NHS: variants seen among roughly 807,000 people sequenced by gnomAD.
The protein encoded by NHS is NHS actin remodeling regulator.
NHS carries 5 observed loss-of-function variants against 72.5 expected under a neutral mutation model. The ratio of observed to expected loss-of-function variants is 0.07; its 90% CI spans 0.04 to 0.14. The LOEUF is 0.14. NHS is among the 10% of genes least tolerant of loss of function. The pLI is 1.00. For synonymous variants in NHS, 464 were observed against 547.7 expected, an observed-to-expected ratio of 0.85 and a Z score of 2.13; for missense variants, 1,072 against 1,355.7, an observed-to-expected ratio of 0.79 and a Z score of 3.29.
At chrX:17,429,271 C>T (rs772368600) in intron 1 of NHS, among the ~76,000 whole-genome samples, 7 of 110,670 alleles carry the variant, frequency 6.3e-5, no homozygotes, top group Admixed American at 1.9e-4. Flanking sequence ...CACGTGCGCG[C>T]GCGCTATACA....
At chrX:17,472,857 G>T (rs1008698817) in intron 1 of NHS, among the ~76,000 whole-genome samples, 3 of 111,985 alleles carry the variant, frequency 2.7e-5, no homozygotes, top group African/African-American at 9.7e-5. Context: ...GATATCAAAG[G>T]CGTGTTTCTT....
intron 1 of NHS, among the ~76,000 whole-genome samples, chrX:17,507,588 T>C (rs1222277656): frequency 8.9e-6 from 1 of 112,236 alleles, no homozygotes. Context: ...TTTTAGAACG[T>C]AAGGCACTGT....
chrX:17,616,087 AT>A lies in NHS; in HGVS notation c.566-71654del, dbSNP rs200437745. ...CCTGGCCCTAATGACAACCTGGTAA[AT>A]GAACAGAGTGAGCGATATCCCTGTA... On this transcript the variant is annotated intron_variant, in intron 1 of 8. Transcript: ENST00000676302. Among the ~76,000 whole-genome samples the A allele has an allele frequency of 4.8e-4, 54 of 112,722 alleles. No individual in the cohort carries two copies. In the East Asian group the frequency reaches 0.015, roughly 32 times the overall value.
intron 1 of NHS, among the ~76,000 whole-genome samples, chrX:17,506,502 G>A (rs770893999): frequency 6.5e-5 from 7 of 108,425 alleles, no homozygotes; most frequent in Non-Finnish European, 1.3e-4. Flanking sequence ...CTGCACTCCA[G>A]CCTGGGCGAT....
intron 1 of NHS, among the ~76,000 whole-genome samples, chrX:17,379,971 G>T (rs920092506): frequency 2.8e-4 from 31 of 111,667 alleles, no homozygotes; most frequent in Non-Finnish European, 7.5e-5. Context: ...CTGGAGATGT[G>T]AATGTGAGAC....
chrX:17,687,698 A>C (rs769872475), intron 1 of NHS, 44 bp from the exon 2 acceptor site: 29 of 1,186,065 alleles, frequency 2.4e-5, no homozygotes, highest in Non-Finnish European at 3.0e-5. Flanking sequence ...CAAAAGCACA[A>C]CTTAAAGCCA....
At chrX:17,408,088 C>T (rs1236035983) in intron 1 of NHS, among the ~76,000 whole-genome samples, 1 of 111,453 alleles carries the variant, frequency 9.0e-6, no homozygotes. Flanking sequence ...CCTCTCACTG[C>T]AACCTCCACC....
intron 1 of NHS, among the ~76,000 whole-genome samples, chrX:17,598,785 A>G (rs965609555): frequency 9.0e-6 from 1 of 111,520 alleles, no homozygotes; most frequent in African/African-American, 3.3e-5. Flanking sequence ...AATGGTATAC[A>G]TATAGAAAAA....
chrX:17,597,430 C>CTTT (rs536355888), intron 1 of NHS, among the ~76,000 whole-genome samples: 6 of 94,701 alleles, frequency 6.3e-5, no homozygotes, highest in South Asian at 4.9e-4. Flanking sequence ...TGGCTATTCT[C>CTTT]TTTTTTTTTT....
chrX:17,563,802 G>A (rs946055505), intron 1 of NHS, among the ~76,000 whole-genome samples: 2 of 108,403 alleles, frequency 1.8e-5, no homozygotes, highest in Non-Finnish European at 3.8e-5. Context: ...GGAGTGGGTG[G>A]ACGGGTGGGG....
At chrX:17,430,106 CCTTCCTTCCTTT>C (rs2064681070) in intron 1 of NHS, among the ~76,000 whole-genome samples, 1 of 102,206 alleles carries the variant, frequency 9.8e-6, no homozygotes, top group Non-Finnish European at 2.0e-5. Flanking sequence ...TTCCTTCCTT[CCTTCCTTCCTTT>C]CCTCCATCCC....
chrX:17,608,196 T>C (rs995386537), intron 1 of NHS, among the ~76,000 whole-genome samples: 4 of 111,436 alleles, frequency 3.6e-5, no homozygotes, highest in African/African-American at 1.3e-4. Flanking sequence ...ATTACAGGCG[T>C]GAGCCACCAT....
intron 1 of NHS, among the ~76,000 whole-genome samples, chrX:17,432,769 C>A (rs2064699781): frequency 9.1e-6 from 1 of 110,214 alleles, no homozygotes; most frequent in Non-Finnish European, 1.9e-5. Flanking sequence ...TAACCGAACA[C>A]AAACACAGAG....
chrX:17,485,189 A>G (rs894602413), intron 1 of NHS, among the ~76,000 whole-genome samples: 1 of 112,564 alleles, frequency 8.9e-6, no homozygotes, highest in African/African-American at 3.2e-5. Flanking sequence ...CACCAGTCTC[A>G]ACCTTATGTG....
chrX:17,500,886 G>C (rs1043268805), intron 1 of NHS, among the ~76,000 whole-genome samples: 1 of 111,687 alleles, frequency 9.0e-6, no homozygotes, highest in African/African-American at 3.3e-5. Flanking sequence ...CTGAAAGTGG[G>C]GATAATAGTA....
chrX:17,575,599 T>C (rs1451653087), intron 1 of NHS, among the ~76,000 whole-genome samples: 3 of 112,002 alleles, frequency 2.7e-5, no homozygotes, highest in Non-Finnish European at 5.6e-5. Context: ...CACAATTTAT[T>C]AATAGAAGTC....
rs1435494601 is a variant in NHS, at chrX:17,709,952, G to A, written c.853-9392G>A. Among the ~76,000 whole-genome samples, 4 of 111,912 alleles carry A rather than the reference G, an allele frequency of 3.6e-5. No homozygotes were observed. The East Asian group carries it at 8.4e-4, about 24-fold the overall frequency. ...GGCCATAATGAGGCTGGTTCTGGGAGTGAGGAAACAGATGAGGGCTGAAAC... is the reference window on the plus strand; with the variant it reads ...GGCCATAATGAGGCTGGTTCTGGGAATGAGGAAACAGATGAGGGCTGAAAC... On this transcript the variant is annotated intron_variant, in intron 3 of 8. Coordinates refer to ENST00000676302, the MANE Select transcript of NHS (RefSeq NM_001291867.2).
At chrX:17,640,295 G>A (rs772352115) in intron 1 of NHS, among the ~76,000 whole-genome samples, 1 of 111,773 alleles carries the variant, frequency 8.9e-6, no homozygotes, top group East Asian at 2.8e-4. Context: ...TTTTGGCTCA[G>A]CAAGAATACC....
At chrX:17,608,719 C>G (rs1484796134) in intron 1 of NHS, among the ~76,000 whole-genome samples, 3 of 110,189 alleles carry the variant, frequency 2.7e-5, no homozygotes, top group Non-Finnish European at 5.7e-5. Context: ...TGTTGAAGCC[C>G]TTGTCGCTAC....
Sources: allele counts gnomAD v4.1 joint callset (sites outside exome capture counted in the v4.1 genomes callset), GRCh38; gene constraint gnomAD v4.1.1; transcripts MANE v1.5; gene names NCBI Gene and HGNC (gene_info 2026-07-23, HGNC 2026-07-21).